Variants in LCN10 observed in about 807,000 individuals in gnomAD.
LCN10 encodes the protein lipocalin 10.
LCN10 carries 18 observed loss-of-function variants against 25.1 expected under a neutral mutation model. The ratio of observed to expected loss-of-function variants is 0.72; its 90% CI spans 0.50 to 1.06. The LOEUF is 1.06. LCN10 is among the 50% of genes least tolerant of loss of function. The pLI, the probability that LCN10 is intolerant of heterozygous loss-of-function variation, is 0.00. For missense variants in LCN10, 257 were observed against 258.9 expected (o/e 0.99, Z 0.05); for synonymous variants, 130 against 116.7 (o/e 1.11, Z -0.73).
chr9:136,740,119 A>T lies in LCN10; in HGVS notation c.476-71T>A, dbSNP rs749597769. 3.9e-6 allele frequency: 4 copies of T among 1,015,654 alleles called. No individual in the cohort carries two copies. In the African/African-American group the frequency reaches 6.4e-5, roughly 16 times the overall value. The allele number at this position is 1,015,654 out of a possible 1,614,324, so 62.9% of individuals were successfully genotyped here. ...TTTTAGGGTCTGCACCCTGACCCCC[A>T]TCCCTACCCCAGGAGCTGCTGAAAT... On this transcript the variant is annotated intron_variant, in intron 4 of 5. Coordinates refer to ENST00000497771, the MANE Select transcript of LCN10 (RefSeq NM_001001712.3). The surrounding 1 kb of genome is among the most constrained non-coding windows in gnomAD (Gnocchi z 5.3).
rs559670439 is a variant in LCN10 at position 136,740,071 on chromosome 9, A to C, written c.476-23T>G. ...TATCTGAGGTTGAGATCAGGATCAC[A>C]TCAGAGACTCCAGCTCTGGCCATTT... On this transcript the variant is annotated intron_variant, in intron 4 of 5. Coordinates refer to ENST00000497771, the MANE Select transcript of LCN10 (RefSeq NM_001001712.3). This position sits in a 1 kb window ranked among gnomAD's most constrained non-coding sequence, Gnocchi z 5.3. 11 of 1,476,122 alleles carry C rather than the reference A, an allele frequency of 7.5e-6. No individual in the cohort carries two copies. The African/African-American group carries it at 1.4e-4, about 19-fold the overall frequency. The allele number at this position is 1,476,122 out of a possible 1,614,324, so 91.4% of individuals were successfully genotyped here. A position where few individuals can be genotyped will look rare whatever the true frequency, so the allele number is the denominator to read the frequency against.
At chr9:136,742,663 G>T in intron 1 of LCN10, 124 bp downstream of exon 1, 2 of 1,222,110 alleles carry the variant, frequency 1.6e-6, no homozygotes, top group Non-Finnish European at 2.2e-6. Context: ...AGGCCAGGTG[G>T]GCAGCGCCCG....
At position 136,742,724 on chromosome 9, in the gene LCN10, G is replaced by C. The variant is rs1226204191; in HGVS notation, c.117+63C>G. The C allele has an allele frequency of 2.5e-6, 4 of 1,589,834 alleles. No individual in the cohort carries two copies. In the African/African-American group the frequency reaches 5.4e-5, roughly 21 times the overall value. On this transcript the variant is annotated intron_variant, in intron 1 of 5. Coordinates refer to ENST00000497771, the MANE Select transcript of LCN10 (RefSeq NM_001001712.3). ...TCCTGGGCGGCTGCCGGGAGACTGT[G>C]CAGGAGCCTGCTCCAGCTCCAGAGC...
chr9:136,741,140 C>A, intron 3 of LCN10, 112 bp downstream of exon 3: 1 of 1,099,028 alleles, frequency 9.1e-7, no homozygotes, highest in South Asian at 1.4e-5. Context: ...GGGAACACAG[C>A]CAGCCTGACG....
Position 136,739,724 on chromosome 9 carries a change from G to T in LCN10, c.575-171C>A. ...GCAGCCACAGCCACGGCATCGCCTG[G>T]TCGGATGCAGCATCTGCTCCGGACG... is the stretch of plus-strand genomic sequence containing the variant. On this transcript the variant is annotated intron_variant, in intron 5 of 5. Transcript: ENST00000497771. The surrounding 1 kb of genome is among the most constrained non-coding windows in gnomAD (Gnocchi z 6.1). 1 of 744,522 alleles carries T rather than the reference G, an allele frequency of 1.3e-6. No individual in the cohort carries two copies. The highest frequency in any genetic ancestry group is 2.3e-6 in the Non-Finnish European group (1 of 431,436). The allele number at this position is 744,522 out of a possible 1,614,324, so 46.1% of individuals were successfully genotyped here. A position where few individuals can be genotyped will look rare whatever the true frequency, so the allele number is the denominator to read the frequency against.
rs1564320629 is a variant in LCN10, at chr9:136,739,333, C to A, written c.*192G>T. The A allele has an allele frequency of 1.6e-6, 1 of 618,734 alleles. No individual in the cohort carries two copies. Among genetic ancestry groups the A allele is most frequent in the African/African-American group, 1.8e-5 (1 of 54,590 alleles). 38.3% of individuals were successfully genotyped at this position (618,734 alleles called of 1,614,324 possible). The stretch of plus-strand genomic sequence containing the variant: ...GGCTGACATCTCGCCACCCGGTCAG[C>A]CTGTATCCTCCTTCCCCCATCTTTC... On this transcript the variant is annotated 3_prime_UTR_variant, in exon 6 of 6. Coordinates refer to ENST00000497771, the MANE Select transcript of LCN10 (RefSeq NM_001001712.3). This position sits in a 1 kb window ranked among gnomAD's most constrained non-coding sequence, Gnocchi z 6.1.
intron 1 of LCN10, chr9:136,742,279 C>T (rs966639291): frequency 7.8e-6 from 4 of 510,318 alleles, no homozygotes; most frequent in Non-Finnish European, 1.4e-5. Context: ...GGGAGGCCCC[C>T]TACCTCAGAG....
intron 1 of LCN10, 136 bp downstream of exon 1, chr9:136,742,647 TGGGA>T: frequency 9.4e-7 from 1 of 1,060,494 alleles, no homozygotes; most frequent in Non-Finnish European, 1.3e-6. Flanking sequence ...GAGGCTGCAG[TGGGA>T]GAGGCCAGGT....
chr9:136,741,628 C>A, intron 2 of LCN10: 1 of 614,304 alleles, frequency 1.6e-6, no homozygotes, highest in African/African-American at 1.9e-5. Context: ...GGCCCAGGAG[C>A]TGCAAGCGGC....
intron 3 of LCN10, 69 bp from the exon 4 acceptor site, chr9:136,741,012 C>A: frequency 7.3e-7 from 1 of 1,379,180 alleles, no homozygotes. Flanking sequence ...ACAGCCCTGA[C>A]CCCTGGTGCC....
chr9:136,740,929 C>T lies in LCN10; in HGVS notation c.382G>A (p.Ala128Thr). ...TAGTCAGTGGACAGCACGTGGAAGG[C>T]CTTCACCCCTTTCACTGAAAGAGAT... ...EGQEGVKGVKAFHVLSTDYSY... is the reference protein window; with the variant it reads ...EGQEGVKGVKTFHVLSTDYSY... Residue 128 changes from alanine to threonine, a missense_variant, in exon 4 of 6, where the codon GCC (alanine) becomes ACC (threonine). Transcript: ENST00000497771. This position sits in a 1 kb window ranked among gnomAD's most constrained non-coding sequence, Gnocchi z 5.3. The T allele has an allele frequency of 6.2e-7, 1 of 1,613,494 alleles. No individual in the cohort carries two copies.
Position 136,740,276 on chromosome 9 carries a change from G to C in LCN10, c.476-228C>G. 1.7e-6 allele frequency: 1 copy of C among 571,794 alleles called. No individual in the cohort carries two copies. The allele number at this position is 571,794 out of a possible 1,614,324, so 35.4% of individuals were successfully genotyped here. ...CGCTGTCACCTGGGGAACCCTCTCTGCCTGCAGAGTCCCCTCCAGCCAGCC... is the reference window on the plus strand; with the variant it reads ...CGCTGTCACCTGGGGAACCCTCTCTCCCTGCAGAGTCCCCTCCAGCCAGCC... On this transcript the variant is annotated intron_variant, in intron 4 of 5. Coordinates refer to ENST00000497771, the MANE Select transcript of LCN10 (RefSeq NM_001001712.3). This position sits in a 1 kb window ranked among gnomAD's most constrained non-coding sequence, Gnocchi z 5.3.
chr9:136,741,106 C>A, intron 3 of LCN10, 146 bp downstream of exon 3: 2 of 988,862 alleles, frequency 2.0e-6, no homozygotes, highest in Non-Finnish European at 3.0e-6. Flanking sequence ...GGCCAGGCCG[C>A]CCAGCACATG....
rs377504226 is a variant in LCN10, at chr9:136,741,292, G to A, written c.327C>T (p.Ala109=). 6.8e-6 allele frequency: 11 copies of A among 1,613,480 alleles called. No individual in the cohort carries two copies. In the African/African-American group the frequency reaches 1.3e-4, roughly 20 times the overall value. The change falls in exon 3 of 6, where the codon GCC becomes GCT. Residue 109 remains alanine, a synonymous_variant. Coordinates refer to ENST00000497771, the MANE Select transcript of LCN10 (RefSeq NM_001001712.3). The stretch of plus-strand genomic sequence containing the variant: ...CCCTCGGGCCCGCCGCGTATGCACA[G>A]GCGTTCCCAAACACCGGCTTCTTCC... ...KDGKKPVFGN[A]CAYAAGPREG...
At position 136,741,934 on chromosome 9, in the gene LCN10, G is replaced by A. The variant is rs200405320; in HGVS notation, c.204C>T (p.Ser68=). 20 of 1,611,122 alleles carry A rather than the reference G, an allele frequency of 1.2e-5. No individual in the cohort carries two copies. Among genetic ancestry groups the A allele is most frequent in the African/African-American group, 5.3e-5 (4 of 75,004 alleles). Residue 68 remains serine (S), a synonymous_variant, in exon 2 of 6, where the codon TCC becomes TCT. Transcript: ENST00000497771. Reference sequence around the variant, plus strand: ...GGCCCACTTTGTTCACCTTTACCACGGACGCCCCCAGCTTCCTCTTGTCCC... The same window carrying A: ...GGCCCACTTTGTTCACCTTTACCACAGACGCCCCCAGCTTCCTCTTGTCCC... ...PARDKRKLGA[S]VVKVNKVGQL... is the part of the protein sequence containing the mutation.
In LCN10 at chr9:136,740,905, A is replaced by G; in HGVS notation, c.406T>C (p.Tyr136His). Residue 136 changes from tyrosine (Y) to histidine (H), a missense_variant, in exon 4 of 6, where the codon TAC (tyrosine) becomes CAC (histidine). By Grantham distance (83) the Tyr-to-His change is moderately conservative. Transcript: ENST00000497771. This position sits in a 1 kb window ranked among gnomAD's most constrained non-coding sequence, Gnocchi z 5.3. ...CGGAGGTAGACCAAGCCGTAGCTGT[A>G]GTCAGTGGACAGCACGTGGAAGGCC... ...VKAFHVLSTD[Y>H]SYGLVYLRLG... The G allele has an allele frequency of 6.2e-7, 1 of 1,613,856 alleles. No homozygotes were observed. The highest frequency in any genetic ancestry group is 1.1e-5 in the South Asian group (1 of 91,084).
chr9:136,742,814 C>T lies in LCN10; in HGVS notation c.90G>A (p.Arg30=), dbSNP rs779285446. ...AGSQVQEWYP[R]ESHALNWNKF... is the part of the protein sequence containing the mutation. ...TGTTCCAGTTGAGGGCGTGGGACTC[C>T]CTGGGGTACCACTCCTGCACCTGGG... Residue 30 remains arginine, a synonymous_variant, in exon 1 of 6, where the codon AGG becomes AGA. Transcript: ENST00000497771. 1.2e-6 allele frequency: 2 copies of T among 1,613,522 alleles called. No individual in the cohort carries two copies. Among genetic ancestry groups the T allele is most frequent in the East Asian group, 4.5e-5 (2 of 44,876 alleles).
At position 136,741,961 on chromosome 9, in the gene LCN10, G is replaced by A; in HGVS notation, c.177C>T (p.Ala59=). The change falls in exon 2 of 6, where the codon GCC becomes GCT. Residue 59 remains alanine, a synonymous_variant. Transcript: ENST00000497771. ...TATDAQGFLP[A]RDKRKLGASV... is the part of the protein sequence containing the mutation. ...ACGCCCCCAGCTTCCTCTTGTCCCTGGCCGGCAAGAATCCCTGGGCATCAG... is the reference window on the plus strand; with the variant it reads ...ACGCCCCCAGCTTCCTCTTGTCCCTAGCCGGCAAGAATCCCTGGGCATCAG... The A allele has an allele frequency of 6.2e-7, 1 of 1,612,530 alleles. No individual in the cohort carries two copies. The highest frequency in any genetic ancestry group is 8.5e-7 in the Non-Finnish European group (1 of 1,179,526).
chr9:136,742,079 C>G lies in LCN10; in HGVS notation c.118-59G>C, dbSNP rs567947332. ...TGCCACCGGGGGCTGTCCCCACCCCCGAGGTTCCCAGCTAGAGAACCCAGG... is the reference window on the plus strand; with the variant it reads ...TGCCACCGGGGGCTGTCCCCACCCCGGAGGTTCCCAGCTAGAGAACCCAGG... On this transcript the variant is annotated intron_variant, in intron 1 of 5. Transcript: ENST00000497771. 94 of 1,598,096 alleles carry G rather than the reference C, an allele frequency of 5.9e-5. No individual in the cohort carries two copies. In the South Asian group the frequency reaches 1.0e-3, roughly 17 times the overall value.
Sources: gnomAD v4.1 joint callset for allele counts on GRCh38, gnomAD v4.1.1 for gene constraint, Gnocchi (gnomAD v3.1) non-coding constraint, MANE v1.5 for transcripts, NCBI Gene and HGNC (gene_info 2026-07-23, HGNC 2026-07-21) for gene names.